Variants in GABRB3 observed in about 807,000 individuals in gnomAD.
GABRB3 encodes the protein gamma-aminobutyric acid type A receptor subunit beta3, also known as gamma-aminobutyric acid receptor subunit beta-3.
GABRB3 carries 14 observed loss-of-function variants against 52.1 expected under a neutral mutation model. The ratio of observed to expected loss-of-function variants is 0.27; its 90% CI spans 0.18 to 0.42. The LOEUF (loss-of-function observed/expected upper bound fraction) is 0.42, where lower values mean the gene tolerates loss of function less well. Among genes scored for constraint, GABRB3 ranks in the 10% least tolerant of loss-of-function variants. The probability of loss-of-function intolerance (pLI) is 1.00; values close to 1 mark genes in which losing one functional copy is unlikely to be tolerated. For missense variants in GABRB3, 307 were observed against 609.1 expected, an observed-to-expected ratio of 0.50 and a Z score of 5.22; for synonymous variants, 260 against 232.3, an observed-to-expected ratio of 1.12 and a Z score of -1.08.
intron 3 of GABRB3, among the ~76,000 whole-genome samples, chr15:26,739,321 G>C (rs75748194): frequency 6.6e-6 from 1 of 151,850 alleles, no homozygotes; most frequent in Non-Finnish European, 1.5e-5. Context: ...GCTTATTCTC[G>C]TCTCTGCTTG....
intron 3 of GABRB3, among the ~76,000 whole-genome samples, chr15:26,741,913 G>A (rs1890218627): frequency 6.6e-6 from 1 of 152,124 alleles, no homozygotes; most frequent in Admixed American, 6.5e-5. Flanking sequence ...CAGTATTTAT[G>A]CTAATTTAAC....
chr15:26,709,515 C>CTTTTTTTTTTTTTTTT (rs57044167), intron 3 of GABRB3, among the ~76,000 whole-genome samples: 13 of 92,004 alleles, frequency 1.4e-4, no homozygotes, highest in East Asian at 3.5e-4. Flanking sequence ...TTTTTTCTTT[C>CTTTTTTTTTTTTTTTT]TTTTTTTTTT....
chr15:26,561,245 T>C (rs1028911829), intron 7 of GABRB3, 69 bp from the exon 8 acceptor site: 15 of 1,602,964 alleles, frequency 9.4e-6, no homozygotes, highest in Non-Finnish European at 1.2e-5. Context: ...CACTTTCCTT[T>C]TATGTTTTCT....
Position 26,708,251 on chromosome 15 carries a change from C to A in GABRB3, c.240+64151G>T, listed in dbSNP as rs571942497. Among the ~76,000 whole-genome samples, 162 of 152,238 alleles carry A rather than the reference C, an allele frequency of 1.1e-3. 1 individual carries two copies. The highest frequency in any genetic ancestry group is 3.4e-3 in the African/African-American group (143 of 41,520). ...GATTGTTCTACATGACAGTCACCCT[C>A]AAGAAATGTGTGCTATGTCCCAGTT... On this transcript the variant is annotated intron_variant, in intron 3 of 8. Transcript: ENST00000311550.
At chr15:26,558,371 T>C (rs1889834539) in intron 8 of GABRB3, among the ~76,000 whole-genome samples, 1 of 152,170 alleles carries the variant, frequency 6.6e-6, no homozygotes, top group Admixed American at 6.6e-5. Context: ...CTCTGCCAGG[T>C]CTATGGGCAC....
intron 3 of GABRB3, among the ~76,000 whole-genome samples, chr15:26,622,014 C>T (rs1356381795): frequency 6.6e-6 from 1 of 152,262 alleles, no homozygotes; most frequent in Non-Finnish European, 1.5e-5. Context: ...AAATACAAAC[C>T]TTCCATAAAC....
At chr15:26,672,316 CTG>C (rs1366283937) in intron 3 of GABRB3, among the ~76,000 whole-genome samples, 1 of 152,186 alleles carries the variant, frequency 6.6e-6, no homozygotes, top group African/African-American at 2.4e-5. Context: ...GGAAGATTGA[CTG>C]TTATCACAAG....
intron 3 of GABRB3, among the ~76,000 whole-genome samples, chr15:26,635,022 T>TATATATATATATATATATA (rs1275026284): frequency 2.3e-5 from 3 of 132,788 alleles, no homozygotes; most frequent in South Asian, 2.4e-4. Context: ...TATATATATA[T>TATATATATATATATATATA]TTAGAGAGGA....
chr15:26,573,483 T>C (rs1056453733), intron 6 of GABRB3, among the ~76,000 whole-genome samples: 5 of 152,136 alleles, frequency 3.3e-5, no homozygotes, highest in Non-Finnish European at 5.9e-5. Context: ...AAAACCAGCA[T>C]TGAACCATAT....
intron 3 of GABRB3, among the ~76,000 whole-genome samples, chr15:26,702,707 T>A (rs938427285): frequency 6.6e-6 from 1 of 152,174 alleles, no homozygotes; most frequent in Non-Finnish European, 1.5e-5. Context: ...CACCCCTGAG[T>A]ATTTACCCAA....
chr15:26,559,371 C>T (rs949797922), intron 8 of GABRB3, among the ~76,000 whole-genome samples: 1 of 152,150 alleles, frequency 6.6e-6, no homozygotes. Context: ...GCCGGGCAGA[C>T]ATTATTGCCA....
intron 7 of GABRB3, among the ~76,000 whole-genome samples, chr15:26,565,652 C>A (rs181357281): frequency 6.6e-6 from 1 of 152,064 alleles, no homozygotes; most frequent in Admixed American, 6.5e-5. Context: ...GGGGTATTAA[C>A]GATTTAATAC....
intron 3 of GABRB3, among the ~76,000 whole-genome samples, chr15:26,761,374 G>A (rs1249916838): frequency 1.4e-5 from 2 of 148,082 alleles, no homozygotes; most frequent in East Asian, 2.0e-4. Context: ...CAGCCTGGGT[G>A]ACACAGCAAG....
At chr15:26,609,172 T>G (rs1397049995) in intron 4 of GABRB3, among the ~76,000 whole-genome samples, 1 of 151,174 alleles carries the variant, frequency 6.6e-6, no homozygotes, top group Non-Finnish European at 1.5e-5. Context: ...AGAAAAAAAT[T>G]TTGTCAGTTG....
chr15:26,666,610 T>G (rs1887720835), intron 3 of GABRB3: 1 of 152,172 alleles, frequency 6.6e-6, no homozygotes, highest in African/African-American at 2.4e-5. Flanking sequence ...TCAGTGCATG[T>G]CAAATGCAGG....
chr15:26,709,268 T>C (rs908476118), intron 3 of GABRB3, among the ~76,000 whole-genome samples: 1 of 152,188 alleles, frequency 6.6e-6, no homozygotes, highest in African/African-American at 2.4e-5. Context: ...CATGAATGGC[T>C]TGGTGCCCGC....
chr15:26,627,855 T>G (rs565809786), intron 3 of GABRB3, among the ~76,000 whole-genome samples: 8 of 152,340 alleles, frequency 5.3e-5, no homozygotes, highest in Admixed American at 2.6e-4. Flanking sequence ...CTGACTTCAA[T>G]TTTGGAAGAA....
In GABRB3 at chr15:26,737,054, G is replaced by A. The variant is rs1292763286; in HGVS notation, c.240+35348C>T. Among the ~76,000 whole-genome samples the A allele has an allele frequency of 5.9e-5, 9 of 152,270 alleles. No individual in the cohort carries two copies. The South Asian group carries it at 6.2e-4, about 11-fold the overall frequency. On this transcript the variant is annotated intron_variant, in intron 3 of 8. Coordinates refer to ENST00000311550, the MANE Select transcript of GABRB3 (RefSeq NM_000814.6). ...CCACCAGGCCTCCAGGGACACCACC[G>A]CCCTCTAAAGTGCTGTCGCAATGAG... is the stretch of plus-strand genomic sequence containing the variant.
At chr15:26,744,834 G>A (rs1165427312) in intron 3 of GABRB3, among the ~76,000 whole-genome samples, 1 of 152,030 alleles carries the variant, frequency 6.6e-6, no homozygotes, top group Non-Finnish European at 1.5e-5. Context: ...TTTACTTATT[G>A]ACATTTATTT....
Sources: allele counts gnomAD v4.1 joint callset (sites outside exome capture counted in the v4.1 genomes callset), GRCh38; gene constraint gnomAD v4.1.1; transcripts MANE v1.5; gene names NCBI Gene and HGNC (gene_info 2026-07-23, HGNC 2026-07-21).